SOX6: variants seen among roughly 807,000 people sequenced by gnomAD.
SOX6 encodes the protein transcription factor SOX-6.
Under a neutral mutation model 97.8 loss-of-function variants are expected in SOX6, and 11 were observed. That is an observed-to-expected ratio of 0.11 (90% CI 0.07 to 0.19). SOX6 has a LOEUF of 0.19. SOX6 is among the 10% of genes least tolerant of loss of function. The probability of loss-of-function intolerance (pLI) is 1.00; values close to 1 mark genes in which losing one functional copy is unlikely to be tolerated. For synonymous variants in SOX6, 360 were observed against 371.4 expected, an observed-to-expected ratio of 0.97 and a Z score of 0.35; for missense variants, 810 against 1,039.5, an observed-to-expected ratio of 0.78 and a Z score of 3.04.
chr11:16,675,146 C>G (rs1317683896), intron 3 of SOX6, among the ~76,000 whole-genome samples: 1 of 152,156 alleles, frequency 6.6e-6, no homozygotes, highest in Non-Finnish European at 1.5e-5. Flanking sequence ...AGTGAACAAT[C>G]TGAAAAAGAA....
intron 13 of SOX6, 86 bp from the exon 14 acceptor site, chr11:15,989,316 G>A: frequency 9.1e-7 from 1 of 1,094,542 alleles, no homozygotes; most frequent in South Asian, 1.7e-5. Flanking sequence ...TGGGTCAGCT[G>A]TTTTCCCCAG....
At chr11:16,509,695 A>G (rs1036827245) in intron 4 of SOX6, among the ~76,000 whole-genome samples, 2 of 152,038 alleles carry the variant, frequency 1.3e-5, no homozygotes, top group African/African-American at 4.8e-5. Context: ...TAAATTTTTA[A>G]TAGTTTTTAA....
At chr11:16,407,536 G>T (rs1343439409) in intron 1 of SOX6, among the ~76,000 whole-genome samples, 1 of 152,124 alleles carries the variant, frequency 6.6e-6, no homozygotes, top group Non-Finnish European at 1.5e-5. Flanking sequence ...TATATCTCAA[G>T]CCAGTTACCA....
chr11:16,022,051 A>C (rs566662772), intron 12 of SOX6, among the ~76,000 whole-genome samples: 37 of 152,248 alleles, frequency 2.4e-4, no homozygotes, highest in African/African-American at 8.4e-4. Flanking sequence ...GATCTCTCTG[A>C]GCCTGTTCCC....
intron 2 of SOX6, among the ~76,000 whole-genome samples, chr11:16,718,581 G>T (rs946697160): frequency 2.6e-5 from 4 of 152,000 alleles, no homozygotes; most frequent in Non-Finnish European, 4.4e-5. Flanking sequence ...TATTATCCTG[G>T]TTCAGAAATA....
chr11:16,478,093 G>C (rs1419859370), upstream of SOX6, among the ~76,000 whole-genome samples: 1 of 152,186 alleles, frequency 6.6e-6, no homozygotes, highest in Non-Finnish European at 1.5e-5. Context: ...CCCCCGCTGA[G>C]TTATAAATTA....
At chr11:16,721,085 C>A (rs943887190) in intron 2 of SOX6, among the ~76,000 whole-genome samples, 5 of 152,076 alleles carry the variant, frequency 3.3e-5, no homozygotes, top group Non-Finnish European at 7.4e-5. Context: ...GGGCCTGAGG[C>A]CCAACTTAGG....
chr11:16,382,550 A>G (rs1365543683), intron 1 of SOX6, among the ~76,000 whole-genome samples: 1 of 151,962 alleles, frequency 6.6e-6, no homozygotes, highest in Non-Finnish European at 1.5e-5. Context: ...CAAGTTCAAC[A>G]CTCAATTCAG....
chr11:16,194,452 C>CT (rs1851717502), intron 4 of SOX6, among the ~76,000 whole-genome samples: 1 of 152,208 alleles, frequency 6.6e-6, no homozygotes, highest in Non-Finnish European at 1.5e-5. Flanking sequence ...AGCAATTGTG[C>CT]TCTTAGGAAT....
At chr11:16,056,145 G>T (rs1001456356) in intron 9 of SOX6, among the ~76,000 whole-genome samples, 2 of 151,788 alleles carry the variant, frequency 1.3e-5, no homozygotes, top group African/African-American at 4.8e-5. Context: ...CAAAGGATTT[G>T]ATCTCTTTAG....
intron 6 of SOX6, among the ~76,000 whole-genome samples, chr11:16,155,063 A>C (rs1381351084): frequency 6.6e-6 from 1 of 151,970 alleles, no homozygotes; most frequent in Non-Finnish European, 1.5e-5. Flanking sequence ...AAAAAAAAAA[A>C]AGTTTTCTTT....
chr11:16,052,984 T>C (rs1407684677), intron 10 of SOX6, among the ~76,000 whole-genome samples: 1 of 152,146 alleles, frequency 6.6e-6, no homozygotes, highest in Non-Finnish European at 1.5e-5. Flanking sequence ...CATGTGCTGA[T>C]CAGTACTCAG....
intron 13 of SOX6, among the ~76,000 whole-genome samples, chr11:15,994,728 AATGTGATAC>A (rs1854170648): frequency 6.6e-6 from 1 of 152,224 alleles, no homozygotes; most frequent in African/African-American, 2.4e-5. Context: ...AGATAGAATT[AATGTGATAC>A]ATGCAAAATA....
intron 1 of SOX6, among the ~76,000 whole-genome samples, chr11:16,430,925 T>C (rs1289892750): frequency 6.6e-6 from 1 of 152,190 alleles, no homozygotes; most frequent in Non-Finnish European, 1.5e-5. Context: ...TTCCTCAGGG[T>C]AAAAGCCAAA....
chr11:16,395,717 T>C (rs1858334466), intron 1 of SOX6, among the ~76,000 whole-genome samples: 1 of 151,772 alleles, frequency 6.6e-6, no homozygotes, highest in Non-Finnish European at 1.5e-5. Flanking sequence ...GGGTTTTCCC[T>C]ACCATACAAG....
At chr11:16,720,254 T>C (rs961524448) in intron 2 of SOX6, among the ~76,000 whole-genome samples, 115 of 147,828 alleles carry the variant, frequency 7.8e-4, no homozygotes, top group African/African-American at 2.6e-3. Flanking sequence ...GTATGTTTAT[T>C]GCGGCACTAT....
Position 16,416,050 on chromosome 11 carries a change from A to G in SOX6, c.-5+60265T>C, listed in dbSNP as rs544366416. ...ACTCTGTTGCCTACCTCTCCGTACA[A>G]TGAACATGATCATGGTGCTCACCTC... On this transcript the variant is annotated intron_variant, in intron 1 of 15. Coordinates refer to the SOX6 transcript ENST00000396356. Among the ~76,000 whole-genome samples, 25 of 152,292 alleles carry G rather than the reference A, an allele frequency of 1.6e-4. No individual in the cohort carries two copies. The East Asian group carries it at 4.8e-3, about 29-fold the overall frequency.
intron 9 of SOX6, among the ~76,000 whole-genome samples, chr11:16,079,043 G>A (rs369067761): frequency 8.6e-5 from 13 of 152,044 alleles, no homozygotes; most frequent in Admixed American, 5.2e-4. Context: ...GAGTTTCTAC[G>A]AAACACCATT....
At chr11:16,641,260 T>C (rs1381468149) in intron 3 of SOX6, among the ~76,000 whole-genome samples, 3 of 152,248 alleles carry the variant, frequency 2.0e-5, no homozygotes, top group Non-Finnish European at 4.4e-5. Flanking sequence ...TTGATTGCAC[T>C]GTGGTCTGAG....
Sources: gnomAD v4.1 joint callset for allele counts (sites outside exome capture counted in the v4.1 genomes callset) on GRCh38, gnomAD v4.1.1 for gene constraint, MANE v1.5 for transcripts, NCBI Gene and HGNC (gene_info 2026-07-23, HGNC 2026-07-21) for gene names.